The following APOO variants were observed in gnomAD, a reference collection of about 807,000 sequenced individuals.
APOO encodes the protein apolipoprotein O.
APOO carries 11 observed loss-of-function variants against 23.1 expected under a neutral mutation model. The observed-to-expected ratio is 0.48, with a 90% CI of 0.30 to 0.79. APOO has a LOEUF of 0.79. Among genes scored for constraint, APOO ranks in the 30% least tolerant of loss-of-function variants. APOO has a pLI of 0.07. For synonymous variants in APOO, 59 were observed against 54.8 expected, an observed-to-expected ratio of 1.08 and a Z score of -0.34; for missense variants, 160 against 142.7, an observed-to-expected ratio of 1.12 and a Z score of -0.62.
At chrX:23,852,606 T>A (rs1262418758) in intron 7 of APOO, among the ~76,000 whole-genome samples, 2 of 76,920 alleles carry the variant, frequency 2.6e-5, no homozygotes, top group Non-Finnish European at 4.3e-5. Flanking sequence ...AGAGCGAGAC[T>A]CTGTCTCAAA....
In APOO at chrX:23,867,134, GAAACGAAACGAAACT is replaced by G. The variant is rs1256216164; in HGVS notation, c.388+1444_388+1458del. On this transcript the variant is annotated intron_variant, in intron 5 of 8. Transcript: ENST00000379226. ...TAAACGAAACGAAACGAAACGAAAC[GAAACGAAACGAAACT>G]AAACTAAACTAAAGTAAAAGCTATT... Among the ~76,000 whole-genome samples the G allele has an allele frequency of 4.8e-4, 53 of 110,367 alleles. 1 individual carries two copies. The South Asian group carries it at 0.021, about 43-fold the overall frequency.
chrX:23,835,700 T>C (rs191779175), intron 8 of APOO, among the ~76,000 whole-genome samples: 36 of 102,308 alleles, frequency 3.5e-4, no homozygotes, highest in Non-Finnish European at 5.3e-4. Context: ...TTCATCAGCA[T>C]AGATTAATAT....
intron 1 of APOO, among the ~76,000 whole-genome samples, chrX:23,902,415 C>T (rs1282694263): frequency 1.8e-5 from 2 of 111,423 alleles, no homozygotes; most frequent in Non-Finnish European, 3.8e-5. Flanking sequence ...GACCTCTCTC[C>T]TAGATAAGAA....
chrX:23,844,386 T>C (rs1012684517), intron 7 of APOO, among the ~76,000 whole-genome samples: 8 of 111,376 alleles, frequency 7.2e-5, no homozygotes, highest in East Asian at 2.8e-4. Flanking sequence ...TAAGGTTGCA[T>C]TGGAATTAAG....
chrX:23,842,989 C>T (rs1431100339), intron 7 of APOO, among the ~76,000 whole-genome samples: 1 of 111,820 alleles, frequency 8.9e-6, no homozygotes, highest in East Asian at 2.8e-4. Flanking sequence ...GCCTGGGCAA[C>T]AAGAGTGAAA....
intron 3 of APOO, among the ~76,000 whole-genome samples, chrX:23,874,689 C>T (rs771260256): frequency 1.1e-4 from 12 of 111,618 alleles, no homozygotes; most frequent in Non-Finnish European, 2.1e-4. Context: ...GAAGCAGATT[C>T]CAAACAGAGT....
chrX:23,905,845 T>C (rs917221734), intron 1 of APOO, among the ~76,000 whole-genome samples: 6 of 112,824 alleles, frequency 5.3e-5, no homozygotes, highest in African/African-American at 1.9e-4. Context: ...AAGTGATATT[T>C]TGACATCTGC....
intron 5 of APOO, among the ~76,000 whole-genome samples, chrX:23,863,916 T>C (rs968725433): frequency 9.9e-5 from 11 of 110,754 alleles, no homozygotes; most frequent in African/African-American, 2.6e-4. Context: ...AGAATACACA[T>C]GGCCTTGACT....
In APOO at chrX:23,907,748, A is replaced by T; in HGVS notation, c.-46T>A. 1 of 1,155,927 alleles carries T rather than the reference A, an allele frequency of 8.7e-7. No homozygotes were observed. Among genetic ancestry groups the T allele is most frequent in the Admixed American group, 2.6e-5 (1 of 37,762 alleles). On this transcript the variant is annotated 5_prime_UTR_variant, in exon 1 of 9. Transcript: ENST00000379226. ...CGGCAGGGTCACCCCGGCCTCGGCCACGCCCACTATAGAGAGGTGACTACG... is the reference window on the plus strand; with the variant it reads ...CGGCAGGGTCACCCCGGCCTCGGCCTCGCCCACTATAGAGAGGTGACTACG...
chrX:23,844,448 T>C (rs1398908521), intron 7 of APOO, among the ~76,000 whole-genome samples: 1 of 110,913 alleles, frequency 9.0e-6, no homozygotes, highest in African/African-American at 3.3e-5. Flanking sequence ...ATTATCTGGG[T>C]GGGCTTGATT....
intron 1 of APOO, among the ~76,000 whole-genome samples, chrX:23,895,735 G>A (rs868007617): frequency 9.1e-6 from 1 of 110,246 alleles, no homozygotes; most frequent in Non-Finnish European, 1.9e-5. Context: ...ATTAAACGTA[G>A]TGTCCAACAT....
chrX:23,902,812 A>G (rs1346510723), intron 1 of APOO, among the ~76,000 whole-genome samples: 1 of 111,511 alleles, frequency 9.0e-6, no homozygotes, highest in South Asian at 3.8e-4. Context: ...CTCCAGTTCT[A>G]GTTAACCCAA....
intron 8 of APOO, chrX:23,836,625 CTTTT>C: frequency 1.3e-4 from 74 of 590,431 alleles, no homozygotes; most frequent in Non-Finnish European, 1.7e-4. Flanking sequence ...AGCCTAATTT[CTTTT>C]TTTTTTTTTT....
In APOO at chrX:23,852,684, A is replaced by C. The variant is rs1194556658; in HGVS notation, c.561+3618T>G. 2.7e-5 allele frequency among the ~76,000 whole-genome samples: 3 copies of C among 110,621 alleles called. No individual in the cohort carries two copies. In the East Asian group the frequency reaches 8.5e-4, roughly 31 times the overall value. ...TAATTAAAGCTGGACTTGAAAACCAACTTCCTAACAAGCTAAGAAACAAAA... is the reference window on the plus strand; with the variant it reads ...TAATTAAAGCTGGACTTGAAAACCACCTTCCTAACAAGCTAAGAAACAAAA... On this transcript the variant is annotated intron_variant, in intron 7 of 8. Coordinates refer to ENST00000379226, the MANE Select transcript of APOO (RefSeq NM_024122.5).
At chrX:23,887,229 C>CTTTTTTTTTT (rs765596270) in intron 1 of APOO, among the ~76,000 whole-genome samples, 13 of 54,226 alleles carry the variant, frequency 2.4e-4, no homozygotes, top group Non-Finnish European at 2.9e-4. Flanking sequence ...TTCTTTTTCC[C>CTTTTTTTTTT]TTTTTTTTTT....
intron 5 of APOO, among the ~76,000 whole-genome samples, chrX:23,861,880 T>C (rs953124473): frequency 9.7e-6 from 1 of 103,246 alleles, no homozygotes; most frequent in Non-Finnish European, 2.0e-5. Flanking sequence ...CTCAGCTCAC[T>C]GCAACCTCTG....
At chrX:23,893,275 A>C (rs906301180) in intron 1 of APOO, among the ~76,000 whole-genome samples, 17 of 107,282 alleles carry the variant, frequency 1.6e-4, no homozygotes, top group East Asian at 1.5e-3. Context: ...AAAAAAAAAA[A>C]CAAAACATTA....
chrX:23,895,209 A>G (rs774818573), intron 1 of APOO, among the ~76,000 whole-genome samples: 13 of 111,603 alleles, frequency 1.2e-4, no homozygotes, highest in Non-Finnish European at 2.3e-4. Context: ...CTGTACGCCT[A>G]TGTTTATTGC....
chrX:23,838,932 C>T (rs2146963034), intron 8 of APOO, among the ~76,000 whole-genome samples: 1 of 111,480 alleles, frequency 9.0e-6, no homozygotes, highest in African/African-American at 3.3e-5. Flanking sequence ...ATGTCTTTTT[C>T]ATTGTCCCTG....
Sources: gnomAD v4.1 joint callset for allele counts (sites outside exome capture counted in the v4.1 genomes callset) on GRCh38, gnomAD v4.1.1 for gene constraint, MANE v1.5 for transcripts, NCBI Gene and HGNC (gene_info 2026-07-23, HGNC 2026-07-21) for gene names.